ERN1: variants seen among roughly 807,000 people sequenced by gnomAD.
The protein encoded by ERN1 is serine/threonine-protein kinase/endoribonuclease IRE1.
In ERN1, 39 loss-of-function variants were observed where a neutral mutation model predicts 113.1. That is an observed-to-expected ratio of 0.34 (90% CI 0.27 to 0.45). The LOEUF (loss-of-function observed/expected upper bound fraction) is 0.45. Among genes scored for constraint, ERN1 ranks in the 20% least tolerant of loss-of-function variants. ERN1 has a pLI of 1.00. For synonymous variants in ERN1, 507 were observed against 515.9 expected (o/e 0.98, Z 0.23); for missense variants, 976 against 1,274.8 (o/e 0.77, Z 3.57).
intron 6 of ERN1, 89 bp downstream of exon 6, chr17:64,071,892 C>A: frequency 6.9e-7 from 1 of 1,453,968 alleles, no homozygotes; most frequent in Non-Finnish European, 9.4e-7. Flanking sequence ...AAAAGCAGCT[C>A]TGGCCACCTT....
intron 19 of ERN1, among the ~76,000 whole-genome samples, chr17:64,047,579 C>T (rs890962058): frequency 1.3e-5 from 2 of 151,892 alleles, no homozygotes; most frequent in African/African-American, 4.8e-5. Flanking sequence ...TATGGCACAT[C>T]CATATGATAG....
rs112896450 is a variant in ERN1 at position 64,044,205 on chromosome 17, A to G, written c.2722-5T>C. 1.2e-5 allele frequency: 18 copies of G among 1,510,234 alleles called. No individual in the cohort carries two copies. The highest frequency in any genetic ancestry group is 9.8e-5 in the African/African-American group (7 of 71,624). The allele number at this position is 1,510,234 out of a possible 1,614,324, so 93.6% of individuals were successfully genotyped here. ...CAGCTCCCGGTAGTGGTGCTTCTGC[A>G]AAGAGTTAGAAAGCTCGGGAGATTA... On this transcript the variant is annotated splice_polypyrimidine_tract_variant and splice_region_variant and intron_variant, in intron 21 of 21. Coordinates refer to ENST00000433197, the MANE Select transcript of ERN1 (RefSeq NM_001433.5). This position sits in a 1 kb window ranked among gnomAD's most constrained non-coding sequence, Gnocchi z 4.1.
At chr17:64,057,398 TTGCTCTGTC>T (rs1449979489) in intron 12 of ERN1, among the ~76,000 whole-genome samples, 29 of 64,990 alleles carry the variant, frequency 4.5e-4, no homozygotes, top group Non-Finnish European at 6.2e-4. Flanking sequence ...CTCTGTCGCC[TTGCTCTGTC>T]GCCCAGGCTG....
At chr17:64,045,738 G>A (rs560283314) in intron 19 of ERN1, among the ~76,000 whole-genome samples, 100 of 152,138 alleles carry the variant, frequency 6.6e-4, no homozygotes, top group African/African-American at 2.3e-3. Context: ...GACCACGAAC[G>A]CATACCCTGA....
At chr17:64,056,010 G>T in intron 12 of ERN1, 62 bp from the exon 13 acceptor site, 1 of 1,484,510 alleles carries the variant, frequency 6.7e-7, no homozygotes. Context: ...CAAGCAGCTG[G>T]GAAGGGACAG....
Position 64,130,044 on chromosome 17 carries a change from C to T in ERN1, c.-15G>A, listed in dbSNP as rs373555700. On this transcript the variant is annotated 5_prime_UTR_variant, in exon 1 of 22. Transcript: ENST00000433197. The surrounding 1 kb of genome is among the most constrained non-coding windows in gnomAD (Gnocchi z 4.0). ...CGGGCCGGCATGGCGAGGACTCGGC[C>T]CTGGCTCCGGGGGCGGTACGGACAG... 2,134 of 1,401,426 alleles carry T rather than the reference C, an allele frequency of 1.5e-3. 5 individuals are homozygous for T. Among genetic ancestry groups the T allele is most frequent in the Non-Finnish European group, 1.7e-3 (1,824 of 1,086,050 alleles). 86.8% of individuals were successfully genotyped at this position (1,401,426 alleles called of 1,614,324 possible).
intron 1 of ERN1, chr17:64,102,688 C>T (rs952257985): frequency 4.3e-5 from 42 of 985,246 alleles, no homozygotes; most frequent in Middle Eastern, 5.2e-4. Context: ...CACTGAAAAA[C>T]GCTGCTTCAC....
intron 1 of ERN1, among the ~76,000 whole-genome samples, chr17:64,126,608 A>G (rs984247121): frequency 1.2e-4 from 18 of 152,190 alleles, no homozygotes; most frequent in Admixed American, 1.1e-3. Context: ...CTGAATAGGC[A>G]GGCAAGTTAA....
At chr17:64,125,781 G>T (rs947110351) in intron 1 of ERN1, among the ~76,000 whole-genome samples, 2 of 152,182 alleles carry the variant, frequency 1.3e-5, no homozygotes, top group Non-Finnish European at 2.9e-5. Context: ...AAACCACCAA[G>T]CCCGGCTGAG....
At chr17:64,081,365 C>A (rs562763202) in intron 2 of ERN1, among the ~76,000 whole-genome samples, 4 of 152,128 alleles carry the variant, frequency 2.6e-5, no homozygotes, top group African/African-American at 7.2e-5. Flanking sequence ...TTTATAAAAT[C>A]TAATTTAAAG....
chr17:64,090,432 C>A (rs1178654735), intron 2 of ERN1, among the ~76,000 whole-genome samples: 1 of 152,154 alleles, frequency 6.6e-6, no homozygotes, highest in African/African-American at 2.4e-5. Flanking sequence ...ACGTTATAAT[C>A]AATCATGAAG....
intron 7 of ERN1, 30 bp from the exon 8 acceptor site, chr17:64,066,962 G>C: frequency 6.2e-7 from 1 of 1,602,010 alleles, no homozygotes; most frequent in African/African-American, 1.3e-5. Flanking sequence ...AAAGCATGCT[G>C]AGTCTCACCC....
intron 1 of ERN1, among the ~76,000 whole-genome samples, chr17:64,105,509 A>G (rs908561948): frequency 1.8e-4 from 27 of 152,190 alleles, no homozygotes; most frequent in African/African-American, 5.8e-4. Context: ...TCTGGCTAAT[A>G]ATAAAAATTT....
At chr17:64,076,595 G>C (rs1913597497) in intron 4 of ERN1, among the ~76,000 whole-genome samples, 1 of 114,800 alleles carries the variant, frequency 8.7e-6, no homozygotes, top group African/African-American at 3.3e-5. Flanking sequence ...GAGTGATGAA[G>C]GGCATCCTCT....
At position 64,044,053 on chromosome 17, in the gene ERN1, A is replaced by G; in HGVS notation, c.2869T>C (p.Phe957Leu). 6.2e-7 allele frequency: 1 copy of G among 1,613,684 alleles called. No homozygotes were observed. Among genetic ancestry groups the G allele is most frequent in the East Asian group, 2.2e-5 (1 of 44,872 alleles). The change falls in exon 22 of 22, where the codon TTC becomes CTC. Residue 957 changes from phenylalanine to leucine, a missense_variant. Phe to Leu is a conservative substitution (Grantham distance 22). Around this residue, in one of 5 missense-constraint regions of ERN1, gnomAD observed 92 missense variants for 87.3 expected, o/e 1.05. Transcript: ENST00000433197. The surrounding 1 kb of genome is among the most constrained non-coding windows in gnomAD (Gnocchi z 4.1). The part of the protein sequence containing the change: ...AMELCSHERL[F>L]QPYYFHEPPE... ...GGCTCGTGGAAGTAGTAGGGCTGGA[A>G]GAGTCTCTCGTGGCTGCACAGCTCC...
In ERN1 at chr17:64,129,474, A is replaced by G. The variant is rs1386540680; in HGVS notation, c.54+502T>C. 1.8e-5 allele frequency: 4 copies of G among 219,454 alleles called. No homozygotes were observed. The East Asian group carries it at 2.7e-4, about 15-fold the overall frequency. The allele number at this position is 219,454 out of a possible 1,614,324, so 13.6% of individuals were successfully genotyped here. On this transcript the variant is annotated intron_variant, in intron 1 of 21. Coordinates refer to ENST00000433197, the MANE Select transcript of ERN1 (RefSeq NM_001433.5). The stretch of plus-strand genomic sequence containing the variant: ...TACTCCCTGTTGCATTCGTTCCCCA[A>G]AGTTTTCGAATTTTTAAAAAGTTCA...
In ERN1 at chr17:64,075,169, T is replaced by C. The variant is rs1913549057; in HGVS notation, c.355+6A>G. On this transcript the variant is annotated splice_donor_region_variant and intron_variant, in intron 5 of 21. Coordinates refer to ENST00000433197, the MANE Select transcript of ERN1 (RefSeq NM_001433.5). ...GACACAAGTTTCTGGAGACAGGAAC[T>C]CTTACCCATGTAGAGGATTCCATCT... 2 of 1,544,696 alleles carry C rather than the reference T, an allele frequency of 1.3e-6. No homozygotes were observed. Among genetic ancestry groups the C allele is most frequent in the Non-Finnish European group, 8.8e-7 (1 of 1,142,542 alleles).
At chr17:64,109,323 C>A (rs1914612837) in intron 1 of ERN1, among the ~76,000 whole-genome samples, 2 of 152,084 alleles carry the variant, frequency 1.3e-5, no homozygotes, top group Admixed American at 1.3e-4. Flanking sequence ...TGGAAAAATA[C>A]TCTAGTTAAA....
Position 64,057,859 on chromosome 17 carries a change from G to T in ERN1, c.1341C>A (p.Ile447=). The part of the protein sequence containing the change: ...VDSMLKDMAT[I]ILSTFLLIGW... The stretch of plus-strand genomic sequence containing the variant: ...CAATCAGCAGGAAGGTGCTCAGGAT[G>T]ATGGTAGCCATGTCCTTAAGCATGG... The change falls in exon 12 of 22, where the codon ATC becomes ATA. Residue 447 remains isoleucine, a synonymous_variant. Coordinates refer to ENST00000433197, the MANE Select transcript of ERN1 (RefSeq NM_001433.5). The T allele has an allele frequency of 6.2e-7, 1 of 1,614,016 alleles. No individual in the cohort carries two copies. Among genetic ancestry groups the T allele is most frequent in the Non-Finnish European group, 8.5e-7 (1 of 1,179,894 alleles).
Sources: allele counts gnomAD v4.1 joint callset (sites outside exome capture counted in the v4.1 genomes callset), GRCh38; gene constraint gnomAD v4.1.1; regional missense constraint gnomAD v4.1.1; non-coding constraint Gnocchi (gnomAD v3.1); transcripts MANE v1.5; gene names NCBI Gene and HGNC (gene_info 2026-07-23, HGNC 2026-07-21).